Variants in IRF2 observed in about 807,000 individuals in gnomAD.
The protein encoded by IRF2 is interferon regulatory factor 2.
In IRF2, 15 loss-of-function variants were observed where a neutral mutation model predicts 40.6. That is an observed-to-expected ratio of 0.37 (90% CI 0.25 to 0.57). The LOEUF (loss-of-function observed/expected upper bound fraction) is 0.57, where lower values mean the gene tolerates loss of function less well. Among genes scored for constraint, IRF2 ranks in the 20% least tolerant of loss-of-function variants. The probability of loss-of-function intolerance (pLI) is 0.77; values close to 1 mark genes in which losing one functional copy is unlikely to be tolerated. For missense variants in IRF2, 317 were observed against 455.7 expected, an observed-to-expected ratio of 0.70 and a Z score of 2.77; for synonymous variants, 151 against 165.5, an observed-to-expected ratio of 0.91 and a Z score of 0.67.
At chr4:184,398,587 C>T (rs1579799103) in intron 7 of IRF2, among the ~76,000 whole-genome samples, 3 of 150,790 alleles carry the variant, frequency 2.0e-5, no homozygotes, top group East Asian at 3.9e-4. Context: ...ACCTGGGAGG[C>T]GGAGGTTACA....
rs1739644120 is a variant in IRF2 at position 184,474,277 on chromosome 4, A to C, written c.-7+102T>G. ...TTTTCCGTCTGCAAAACATCGTGTC[A>C]AGGCATCAGGACACGCATACACACA... On this transcript the variant is annotated intron_variant, in intron 1 of 8. Coordinates refer to ENST00000393593, the MANE Select transcript of IRF2 (RefSeq NM_002199.4). This position sits in a 1 kb window ranked among gnomAD's most constrained non-coding sequence, Gnocchi z 5.6. The C allele has an allele frequency of 1.3e-5, 2 of 152,406 alleles. No homozygotes were observed. The highest frequency in any genetic ancestry group is 4.1e-4 in the South Asian group (2 of 4,856). 9.4% of individuals were successfully genotyped at this position (152,406 alleles called of 1,614,324 possible).
chr4:184,465,899 C>T (rs1739300805), intron 1 of IRF2, among the ~76,000 whole-genome samples: 1 of 152,114 alleles, frequency 6.6e-6, no homozygotes, highest in Non-Finnish European at 1.5e-5. Context: ...ATTTTTAAGA[C>T]TTTAAGTATA....
chr4:184,470,616 G>A (rs1436659164), intron 1 of IRF2, among the ~76,000 whole-genome samples: 4 of 150,622 alleles, frequency 2.7e-5, no homozygotes, highest in African/African-American at 9.8e-5. Flanking sequence ...GCTTGAACCT[G>A]GAAGCAGAGG....
intron 1 of IRF2, among the ~76,000 whole-genome samples, chr4:184,433,417 C>T (rs560551522): frequency 3.3e-5 from 5 of 152,272 alleles, no homozygotes; most frequent in East Asian, 3.9e-4. Context: ...CTCCACTGGT[C>T]GGCGTGCCGG....
intron 5 of IRF2, among the ~76,000 whole-genome samples, chr4:184,412,493 A>C (rs1561094631): frequency 6.6e-6 from 1 of 152,186 alleles, no homozygotes; most frequent in Non-Finnish European, 1.5e-5. Context: ...ATCTGTGCAA[A>C]GCCAGTCTCT....
At chr4:184,441,268 AC>A (rs1756705330) in intron 1 of IRF2, among the ~76,000 whole-genome samples, 1 of 152,204 alleles carries the variant, frequency 6.6e-6, no homozygotes, top group African/African-American at 2.4e-5. Context: ...ACATTTTGCA[AC>A]TATTAACTTG....
intron 7 of IRF2, among the ~76,000 whole-genome samples, chr4:184,396,578 G>A (rs929242874): frequency 6.6e-6 from 1 of 151,880 alleles, no homozygotes; most frequent in Non-Finnish European, 1.5e-5. Flanking sequence ...GGGACTACGG[G>A]CACATGCCAC....
At chr4:184,473,533 G>C (rs1296908746) in intron 1 of IRF2, among the ~76,000 whole-genome samples, 2 of 147,798 alleles carry the variant, frequency 1.4e-5, no homozygotes, top group African/African-American at 4.9e-5. Context: ...CCGACCGGGC[G>C]CTGGCCGGCG....
chr4:184,422,209 C>A (rs147395709), intron 2 of IRF2, among the ~76,000 whole-genome samples: 1 of 152,270 alleles, frequency 6.6e-6, no homozygotes, highest in South Asian at 2.1e-4. Context: ...AATTACCCAG[C>A]CCCAGGTAGT....
chr4:184,412,373 C>G (rs562789169), intron 5 of IRF2, among the ~76,000 whole-genome samples: 3 of 152,090 alleles, frequency 2.0e-5, no homozygotes, highest in Non-Finnish European at 4.4e-5. Flanking sequence ...GAGGGACTCC[C>G]CTCTGCTCCG....
rs112718590 is a variant in IRF2 at position 184,437,860 on chromosome 4, G to T, written c.-6-8790C>A. On this transcript the variant is annotated intron_variant, in intron 1 of 8. Transcript: ENST00000393593. The stretch of plus-strand genomic sequence containing the variant: ...AAAAAAAAAAAAAACCCACACACAC[G>T]ATGACACGCGTATAGGAATCTAACA... 7.5e-3 allele frequency among the ~76,000 whole-genome samples: 1,123 copies of T among 150,288 alleles called. 16 individuals are homozygous for T. The highest frequency in any genetic ancestry group is 0.026 in the African/African-American group (1,079 of 41,018).
intron 7 of IRF2, among the ~76,000 whole-genome samples, chr4:184,392,505 C>A (rs569010753): frequency 4.1e-4 from 62 of 152,292 alleles, no homozygotes; most frequent in Non-Finnish European, 2.8e-4. Context: ...TGCTCTCATC[C>A]CCCGTTACGC....
In IRF2 at chr4:184,419,571, GAAAA is replaced by G. The variant is rs70959195; in HGVS notation, c.88-7_88-4del. 4,709 of 907,764 alleles carry G rather than the reference GAAAA, an allele frequency of 5.2e-3. No individual in the cohort carries two copies. The highest frequency in any genetic ancestry group is 8.3e-3 in the Middle Eastern group (35 of 4,216). 56.2% of individuals were successfully genotyped at this position (907,764 alleles called of 1,614,324 possible). On this transcript the variant is annotated splice_polypyrimidine_tract_variant and splice_region_variant and intron_variant, in intron 2 of 8. Coordinates refer to ENST00000393593, the MANE Select transcript of IRF2 (RefSeq NM_002199.4). ...GGGATCTGAAAAATCTTCTTTTCCT[GAAAA>G]AAAAAAAAAAAAAAAAGGTAAAGAA... is the stretch of plus-strand genomic sequence containing the variant.
At chr4:184,455,628 G>C (rs952593741) in intron 1 of IRF2, among the ~76,000 whole-genome samples, 1 of 151,912 alleles carries the variant, frequency 6.6e-6, no homozygotes, top group Non-Finnish European at 1.5e-5. Flanking sequence ...AATCCCTCCT[G>C]GAAAACTCAC....
intron 1 of IRF2, among the ~76,000 whole-genome samples, chr4:184,458,935 A>G (rs978046081): frequency 6.6e-6 from 1 of 152,040 alleles, no homozygotes; most frequent in African/African-American, 2.4e-5. Context: ...GCTTTTATCC[A>G]TTTTACTTAA....
chr4:184,414,175 C>T (rs544921840), intron 5 of IRF2, among the ~76,000 whole-genome samples: 1 of 152,340 alleles, frequency 6.6e-6, no homozygotes, highest in East Asian at 1.9e-4. Flanking sequence ...TAGCTGGGAA[C>T]TTGGAATCAG....
chr4:184,408,224 A>G lies in IRF2; in HGVS notation c.463T>C (p.Ser155Pro). ...GAAGTCAGGACCGCATACTCAGGAG[A>G]AAGATCACTTACTCCATTACTAAGC... is the stretch of plus-strand genomic sequence containing the variant. ...LGLSNGVSDL[S>P]PEYAVLTSTI... The change falls in exon 6 of 9, where the codon TCT becomes CCT. Residue 155 changes from serine to proline, a missense_variant. Ser to Pro is a moderately conservative substitution (Grantham distance 74). Around this residue, in one of 2 missense-constraint regions of IRF2, gnomAD observed 262 missense variants for 334.0 expected, o/e 0.78. Transcript: ENST00000393593. This position sits in a 1 kb window ranked among gnomAD's most constrained non-coding sequence, Gnocchi z 4.9. 1.9e-6 allele frequency: 3 copies of G among 1,613,308 alleles called. No homozygotes were observed. The highest frequency in any genetic ancestry group is 1.7e-6 in the Non-Finnish European group (2 of 1,179,194).
intron 1 of IRF2, among the ~76,000 whole-genome samples, chr4:184,443,020 G>A (rs1402197371): frequency 6.6e-6 from 1 of 152,126 alleles, no homozygotes; most frequent in African/African-American, 2.4e-5. Context: ...CCGCCTCCCA[G>A]GTTCAAGCGA....
At chr4:184,463,619 C>T (rs1739219030) in intron 1 of IRF2, among the ~76,000 whole-genome samples, 1 of 152,010 alleles carries the variant, frequency 6.6e-6, no homozygotes, top group Admixed American at 6.6e-5. Context: ...ATGTGGCTCA[C>T]ATTATATTTG....
Sources: gnomAD v4.1 joint callset for allele counts (sites outside exome capture counted in the v4.1 genomes callset) on GRCh38, gnomAD v4.1.1 for gene constraint, gnomAD v4.1.1 regional missense constraint, Gnocchi (gnomAD v3.1) non-coding constraint, MANE v1.5 for transcripts, NCBI Gene and HGNC (gene_info 2026-07-23, HGNC 2026-07-21) for gene names.